The following DNAH9 variants were observed in gnomAD, a reference collection of about 807,000 sequenced individuals.
The protein encoded by DNAH9 is dynein axonemal heavy chain 9.
Under a neutral mutation model 471.6 loss-of-function variants are expected in DNAH9, and 345 were observed. That is an observed-to-expected ratio of 0.73 (90% CI 0.67 to 0.80). The LOEUF (loss-of-function observed/expected upper bound fraction) is 0.80. Among genes scored for constraint, DNAH9 ranks in the 30% least tolerant of loss-of-function variants. DNAH9 has a pLI of 0.00. For missense variants in DNAH9, 5,407 were observed against 5,609.2 expected (o/e 0.96, Z 1.15); for synonymous variants, 2,093 against 2,123.6 (o/e 0.99, Z 0.40).
chr17:11,870,651 A>C (rs1443605398), intron 51 of DNAH9, among the ~76,000 whole-genome samples: 1 of 152,204 alleles, frequency 6.6e-6, no homozygotes, highest in Non-Finnish European at 1.5e-5. Context: ...ATGTGCAAGA[A>C]GTCCTCCAGA....
chr17:11,923,210 G>A (rs1336900046), intron 61 of DNAH9, among the ~76,000 whole-genome samples: 2 of 151,942 alleles, frequency 1.3e-5, no homozygotes, highest in Non-Finnish European at 2.9e-5. Flanking sequence ...CTAGTAGCTG[G>A]GATTACAGGC....
At chr17:11,880,841 A>G (rs1366959282) in intron 54 of DNAH9, among the ~76,000 whole-genome samples, 1 of 152,196 alleles carries the variant, frequency 6.6e-6, no homozygotes, top group Non-Finnish European at 1.5e-5. Context: ...GCCATGAGGA[A>G]AAGTAAGCCC....
intron 38 of DNAH9, among the ~76,000 whole-genome samples, chr17:11,777,933 A>G (rs1968500242): frequency 6.6e-6 from 1 of 152,136 alleles, no homozygotes; most frequent in African/African-American, 2.4e-5. Context: ...ATTGAAGGGG[A>G]TGGATGGGGT....
chr17:11,942,233 C>A lies in DNAH9; in HGVS notation c.12661-70C>A, dbSNP rs1332758136. The A allele has an allele frequency of 3.2e-6, 5 of 1,560,724 alleles. No individual in the cohort carries two copies. In the South Asian group the frequency reaches 3.6e-5, roughly 11 times the overall value. On this transcript the variant is annotated intron_variant, in intron 66 of 68. Transcript: ENST00000262442. ...GGTGATTGGCATCTCTAGTCCCACA[C>A]TGCAGGAAAATGGATTCCTTCTGGA... is the stretch of plus-strand genomic sequence containing the variant.
At chr17:11,788,773 T>A (rs1597649499) in intron 41 of DNAH9, among the ~76,000 whole-genome samples, 1 of 152,188 alleles carries the variant, frequency 6.6e-6, no homozygotes, top group East Asian at 1.9e-4. Context: ...TCAAGTACAA[T>A]GTTGGAGAGA....
At chr17:11,613,788 T>G (rs2072685376) in intron 4 of DNAH9, among the ~76,000 whole-genome samples, 2 of 152,146 alleles carry the variant, frequency 1.3e-5, no homozygotes, top group African/African-American at 2.4e-5. Flanking sequence ...TATACATATG[T>G]AGAACACATA....
chr17:11,935,535 C>T (rs565230865), intron 65 of DNAH9, among the ~76,000 whole-genome samples: 2 of 151,870 alleles, frequency 1.3e-5, no homozygotes, highest in Non-Finnish European at 2.9e-5. Flanking sequence ...GTCACCACGC[C>T]CAGCTAATTT....
chr17:11,863,302 T>C (rs1327293977), intron 50 of DNAH9, among the ~76,000 whole-genome samples: 3 of 152,234 alleles, frequency 2.0e-5, no homozygotes, highest in Non-Finnish European at 4.4e-5. Flanking sequence ...TCTTTGGTTC[T>C]GTTTATATGC....
chr17:11,804,200 T>C (rs917722740), intron 43 of DNAH9, among the ~76,000 whole-genome samples: 1 of 152,170 alleles, frequency 6.6e-6, no homozygotes, highest in African/African-American at 2.4e-5. Context: ...AGTTTCACAA[T>C]TAAATAATTA....
chr17:11,662,841 C>T (rs1258438134), intron 14 of DNAH9, among the ~76,000 whole-genome samples: 8 of 145,618 alleles, frequency 5.5e-5, no homozygotes, highest in Non-Finnish European at 9.0e-5. Context: ...CTGCAAGCTC[C>T]GCCTCCCGGG....
chr17:11,698,165 A>C, intron 22 of DNAH9, among the ~76,000 whole-genome samples: 1 of 73,486 alleles, frequency 1.4e-5, no homozygotes. Flanking sequence ...TTAATATATT[A>C]TTATATTAAT....
intron 59 of DNAH9, among the ~76,000 whole-genome samples, chr17:11,897,074 TAA>T (rs904070852): frequency 1.3e-5 from 2 of 152,134 alleles, no homozygotes; most frequent in African/African-American, 4.8e-5. Flanking sequence ...ATGGCAAGAG[TAA>T]AACTCCGTTT....
chr17:11,805,023 C>A (rs1969615138), intron 43 of DNAH9, among the ~76,000 whole-genome samples: 1 of 151,486 alleles, frequency 6.6e-6, no homozygotes, highest in South Asian at 2.1e-4. Flanking sequence ...CATTACACTC[C>A]AGCCTGGGCG....
chr17:11,929,024 CTTTTTTT>C (rs71142254), intron 62 of DNAH9, among the ~76,000 whole-genome samples: 3 of 102,906 alleles, frequency 2.9e-5, no homozygotes, highest in African/African-American at 7.4e-5. Flanking sequence ...GTGTTACAGC[CTTTTTTT>C]TTTTTTTTTT....
chr17:11,629,730 A>T, intron 7 of DNAH9, 146 bp downstream of exon 7: 1 of 659,390 alleles, frequency 1.5e-6, no homozygotes. Context: ...CCTTTGTGTT[A>T]GGAGAAATTA....
At chr17:11,875,245 A>T in intron 53 of DNAH9, 61 bp downstream of exon 53, 1 of 1,377,698 alleles carries the variant, frequency 7.3e-7, no homozygotes, top group Non-Finnish European at 9.8e-7. Context: ...TGTATAGATC[A>T]TGAGCAGATT....
chr17:11,905,842 C>A, intron 61 of DNAH9, 33 bp downstream of exon 61: 1 of 1,570,896 alleles, frequency 6.4e-7, no homozygotes, highest in Non-Finnish European at 8.6e-7. Flanking sequence ...GCCAGGGCTG[C>A]ATTTGCCCCA....
intron 28 of DNAH9, among the ~76,000 whole-genome samples, chr17:11,734,125 C>T (rs916675994): frequency 1.3e-5 from 2 of 152,240 alleles, no homozygotes; most frequent in East Asian, 1.9e-4. Context: ...TGTAGCCCCA[C>T]GCTATTCAAA....
In DNAH9 at chr17:11,598,577, C is replaced by T. The variant is rs760080693; in HGVS notation, c.79C>T (p.Leu27Phe). 132 of 1,336,736 alleles carry T rather than the reference C, an allele frequency of 9.9e-5. No individual in the cohort carries two copies. In the South Asian group the frequency reaches 2.0e-3, roughly 20 times the overall value. 82.8% of individuals were successfully genotyped at this position (1,336,736 alleles called of 1,614,324 possible). Reference sequence around the variant, plus strand: ...ACCCGGCGCCGACCGACGACTGCGACTCCTGGGGACCTACGTGGCCATGAG... The same window carrying T: ...ACCCGGCGCCGACCGACGACTGCGATTCCTGGGGACCTACGTGGCCATGAG... Reference protein sequence around the residue: ...GEPGADRRLRLLGTYVAMSLR... With the variant: ...GEPGADRRLRFLGTYVAMSLR... Residue 27 changes from leucine to phenylalanine, a missense_variant, in exon 1 of 69, where the codon CTC becomes TTC. Leu to Phe is a conservative substitution (Grantham distance 22, BLOSUM62 0). Transcript: ENST00000262442.
Sources: allele counts gnomAD v4.1 joint callset (sites outside exome capture counted in the v4.1 genomes callset), GRCh38; gene constraint gnomAD v4.1.1; transcripts MANE v1.5; gene names NCBI Gene and HGNC (gene_info 2026-07-23, HGNC 2026-07-21).